EIPR1: variants seen among roughly 807,000 people sequenced by gnomAD.
The protein encoded by EIPR1 is EARP complex and GARP complex interacting protein 1, also known as EARP and GARP complex-interacting protein 1.
In EIPR1, 25 loss-of-function variants were observed where a neutral mutation model predicts 48.1. That is an observed-to-expected ratio of 0.52 (90% CI 0.38 to 0.73). The LOEUF (loss-of-function observed/expected upper bound fraction) is 0.73. EIPR1 is among the 30% of genes least tolerant of loss of function. The pLI, the probability that EIPR1 is intolerant of heterozygous loss-of-function variation, is 0.00. For synonymous variants in EIPR1, 204 were observed against 201.9 expected (o/e 1.01, Z -0.09); for missense variants, 415 against 506.2 (o/e 0.82, Z 1.73).
At chr2:3,218,792 G>A (rs992510360) in intron 4 of EIPR1, among the ~76,000 whole-genome samples, 9 of 150,014 alleles carry the variant, frequency 6.0e-5, no homozygotes, top group Non-Finnish European at 1.0e-4. Flanking sequence ...AGTGACCCAG[G>A]TGCACACCCA....
At chr2:3,290,670 G>A (rs572216542) in intron 3 of EIPR1, among the ~76,000 whole-genome samples, 5 of 152,314 alleles carry the variant, frequency 3.3e-5, no homozygotes, top group African/African-American at 1.2e-4. Flanking sequence ...GCAGGTGGCG[G>A]GGGTGTGGCA....
Position 3,214,187 on chromosome 2 carries a change from G to A in EIPR1, c.478C>T (p.Leu160=). ...GAGCTTTCCTGTAAATCCCACAGCA[G>A]GATATGGTTATCAGCCAAGGAAATG... ...KIISLADNHI[L]LWDLQESSSQ... Residue 160 remains leucine, a synonymous_variant, in exon 5 of 9, where the codon CTG becomes TTG. Coordinates refer to ENST00000382125, the MANE Select transcript of EIPR1 (RefSeq NM_003310.5). The A allele has an allele frequency of 6.2e-7, 1 of 1,613,830 alleles. No individual in the cohort carries two copies. Among genetic ancestry groups the A allele is most frequent in the Non-Finnish European group, 8.5e-7 (1 of 1,179,886 alleles).
At position 3,350,807 on chromosome 2, in the gene EIPR1, A is replaced by G. The variant is rs78178930; in HGVS notation, c.126+3743T>C. On this transcript the variant is annotated intron_variant, in intron 2 of 8. Coordinates refer to ENST00000382125, the MANE Select transcript of EIPR1 (RefSeq NM_003310.5). ...TGTGGAAATACATGAGGTATGTAAT[A>G]AAACATACTGTTGACTCAAAAAAAT... 9.8e-3 allele frequency among the ~76,000 whole-genome samples: 1,494 copies of G among 152,270 alleles called. 163 individuals carry two copies. In the East Asian group the frequency reaches 0.23, roughly 23 times the overall value.
intron 3 of EIPR1, among the ~76,000 whole-genome samples, chr2:3,269,315 G>GTCATCGCACTCAA (rs1282416122): frequency 2.8e-5 from 2 of 71,654 alleles, no homozygotes; most frequent in African/African-American, 7.2e-5. Flanking sequence ...ATCGCACTCA[G>GTCATCGCACTCAA]TCATCGCACT....
chr2:3,284,353 C>T (rs1281736170), intron 3 of EIPR1, among the ~76,000 whole-genome samples: 2 of 113,464 alleles, frequency 1.8e-5, no homozygotes, highest in African/African-American at 7.1e-5. Context: ...GAGATGGGGC[C>T]GGAGGCCGCC....
chr2:3,194,296 G>A (rs547916664), intron 6 of EIPR1, 130 bp from the exon 7 acceptor site: 9 of 1,156,334 alleles, frequency 7.8e-6, no homozygotes, highest in African/African-American at 6.1e-5. Context: ...TCATCCCCTC[G>A]GCGTTCCTGC....
At chr2:3,282,680 G>A (rs1668049761) in intron 3 of EIPR1, 1 of 152,268 alleles carries the variant, frequency 6.6e-6, no homozygotes, top group South Asian at 2.1e-4. Flanking sequence ...CCATTGAAGT[G>A]TGCGCTCCCG....
intron 4 of EIPR1, among the ~76,000 whole-genome samples, chr2:3,235,314 C>T (rs1041839584): frequency 3.3e-5 from 5 of 152,246 alleles, no homozygotes; most frequent in Non-Finnish European, 4.4e-5. Context: ...TGGCCTCAAC[C>T]GGCCTTCATC....
chr2:3,335,390 C>A (rs552283897), intron 3 of EIPR1, among the ~76,000 whole-genome samples: 3 of 152,146 alleles, frequency 2.0e-5, no homozygotes, highest in African/African-American at 7.2e-5. Flanking sequence ...CTGGAATATC[C>A]AGGGTGCAGA....
chr2:3,338,288 G>C, intron 2 of EIPR1, 139 bp from the exon 3 acceptor site: 1 of 981,650 alleles, frequency 1.0e-6, no homozygotes, highest in Non-Finnish European at 1.5e-6. Context: ...TATGCCAACA[G>C]TATGTGCTTC....
At chr2:3,214,920 T>C (rs372325303) in intron 4 of EIPR1, among the ~76,000 whole-genome samples, 11 of 150,080 alleles carry the variant, frequency 7.3e-5, no homozygotes, top group African/African-American at 2.5e-4. Context: ...ATGGGATTCA[T>C]GCCTTTATAA....
chr2:3,280,329 C>T (rs981130564), intron 3 of EIPR1, among the ~76,000 whole-genome samples: 2 of 152,218 alleles, frequency 1.3e-5, no homozygotes, highest in African/African-American at 2.4e-5. Context: ...CACAGAGGAA[C>T]TCGGACCCGG....
intron 1 of EIPR1, among the ~76,000 whole-genome samples, chr2:3,367,109 A>G (rs1002196203): frequency 1.9e-3 from 73 of 39,242 alleles, no homozygotes; most frequent in African/African-American, 3.7e-3. Context: ...GATGAAATTA[A>G]AAAAAAAAAA....
intron 3 of EIPR1, among the ~76,000 whole-genome samples, chr2:3,309,565 G>A (rs1029023723): frequency 3.9e-5 from 6 of 151,976 alleles, no homozygotes; most frequent in East Asian, 1.9e-4. Flanking sequence ...ATAAACACAC[G>A]CACATAAACA....
chr2:3,230,626 G>A (rs1666213790), intron 4 of EIPR1, among the ~76,000 whole-genome samples: 1 of 152,104 alleles, frequency 6.6e-6, no homozygotes, highest in Admixed American at 6.5e-5. Context: ...TTCCCATTGT[G>A]TATTCTTGGT....
At chr2:3,198,847 C>T (rs1234148970) in intron 5 of EIPR1, among the ~76,000 whole-genome samples, 1 of 152,044 alleles carries the variant, frequency 6.6e-6, no homozygotes, top group Non-Finnish European at 1.5e-5. Flanking sequence ...GAAACTACAA[C>T]CACTAATGAA....
At chr2:3,333,322 G>A (rs1407189823) in intron 3 of EIPR1, among the ~76,000 whole-genome samples, 1 of 152,170 alleles carries the variant, frequency 6.6e-6, no homozygotes, top group East Asian at 1.9e-4. Context: ...TGTTGCTTCT[G>A]ACAAATAACC....
intron 5 of EIPR1, among the ~76,000 whole-genome samples, chr2:3,211,299 C>T (rs1489516607): frequency 6.2e-5 from 9 of 145,596 alleles, no homozygotes; most frequent in Non-Finnish European, 1.1e-4. Context: ...TTCCTCTGTA[C>T]CACGTCTCTT....
At chr2:3,292,735 C>T (rs55813985) in intron 3 of EIPR1, among the ~76,000 whole-genome samples, 51,238 of 151,890 alleles carry the variant, frequency 0.34, 8,759 homozygotes, top group African/African-American at 0.35. Flanking sequence ...ATCTACATTA[C>T]GGCAACTTCT....
Sources: allele counts gnomAD v4.1 joint callset (sites outside exome capture counted in the v4.1 genomes callset), GRCh38; gene constraint gnomAD v4.1.1; transcripts MANE v1.5; gene names NCBI Gene and HGNC (gene_info 2026-07-23, HGNC 2026-07-21).